Variants in OTULIN observed in about 807,000 individuals in gnomAD.
OTULIN encodes OTU deubiquitinase with linear linkage specificity, also known as ubiquitin thioesterase otulin.
A neutral mutation model predicts 39.6 loss-of-function variants in OTULIN; 15 were observed. The ratio of observed to expected loss-of-function variants is 0.38; its 90% CI spans 0.25 to 0.58. OTULIN has a LOEUF of 0.58. Ranked by LOEUF, OTULIN falls within the 20% of genes least tolerant of loss-of-function variation. The pLI is 0.66. For missense variants in OTULIN, 319 were observed against 445.9 expected (o/e 0.72, Z 2.56); for synonymous variants, 156 against 170.3 (o/e 0.92, Z 0.65).
chr5:14,681,396 GA>G, intron 3 of OTULIN, 67 bp from the exon 4 acceptor site: 1 of 1,523,048 alleles, frequency 6.6e-7, no homozygotes, highest in Non-Finnish European at 8.8e-7. Context: ...TTTTCCACAG[GA>G]ATGAAACTTT....
At chr5:14,666,603 C>G (rs1195866232) in intron 1 of OTULIN, among the ~76,000 whole-genome samples, 4 of 152,090 alleles carry the variant, frequency 2.6e-5, no homozygotes, top group Non-Finnish European at 4.4e-5. Flanking sequence ...GTTTGCTTCC[C>G]AAGTTTGCTT....
chr5:14,700,455 C>T (rs1736773339), downstream of OTULIN, among the ~76,000 whole-genome samples: 1 of 152,156 alleles, frequency 6.6e-6, no homozygotes, highest in Non-Finnish European at 1.5e-5. Context: ...CCAAAGAGTG[C>T]CAGCCCTGGG....
chr5:14,692,780 T>C, intron 6 of OTULIN, 74 bp from the exon 7 acceptor site: 1 of 1,342,358 alleles, frequency 7.4e-7, no homozygotes, highest in Non-Finnish European at 1.1e-6. Flanking sequence ...TGTGGGATAA[T>C]GGATGGAACA....
At chr5:14,674,489 A>T (rs536931818) in intron 2 of OTULIN, among the ~76,000 whole-genome samples, 1 of 152,326 alleles carries the variant, frequency 6.6e-6, no homozygotes, top group East Asian at 1.9e-4. Flanking sequence ...GGTGTGGTGG[A>T]TCATGCCCGT....
At chr5:14,713,739 G>A in the OTULIN span, 3 of 1,608,450 alleles carry the variant, frequency 1.9e-6, no homozygotes, top group Non-Finnish European at 2.5e-6. This position sits in a 1 kb window ranked among gnomAD's most constrained non-coding sequence, Gnocchi z 4.4. Context: ...TCTGGACCAG[G>A]GCAGCACATC....
At chr5:14,714,488 C>CG in the OTULIN span, among the ~76,000 whole-genome samples, 2 of 152,162 alleles carry the variant, frequency 1.3e-5, no homozygotes, top group Non-Finnish European at 2.9e-5. Context: ...CAGCACCAGG[C>CG]AAGGGCTCTT....
intron 2 of OTULIN, among the ~76,000 whole-genome samples, chr5:14,675,730 C>G (rs1736088364): frequency 6.6e-6 from 1 of 152,206 alleles, no homozygotes; most frequent in Non-Finnish European, 1.5e-5. Context: ...TCCCTTTACA[C>G]TTCTCACATC....
chr5:14,691,537 ATTAGAC>A (rs1338232368), intron 6 of OTULIN, among the ~76,000 whole-genome samples: 1 of 152,062 alleles, frequency 6.6e-6, no homozygotes, highest in Non-Finnish European at 1.5e-5. Context: ...TGGTTTGCAT[ATTAGAC>A]TAAAGTTAGT....
chr5:14,683,451 C>T (rs1179008679), intron 4 of OTULIN, among the ~76,000 whole-genome samples: 1 of 152,130 alleles, frequency 6.6e-6, no homozygotes, highest in African/African-American at 2.4e-5. Context: ...TGCCAGTTGG[C>T]GAAAGCATTC....
chr5:14,712,912 T>C, the OTULIN span: 1 of 1,613,324 alleles, frequency 6.2e-7, no homozygotes, highest in Non-Finnish European at 8.5e-7. Context: ...ATGGCGACCA[T>C]GGTGGATTCT....
At position 14,673,713 on chromosome 5, in the gene OTULIN, C is replaced by T; in HGVS notation, c.224C>T (p.Ala75Val). Reference sequence around the variant, plus strand: ...GAATTGCTTATACATGAAAGAGGGGCATCAGGTATGTTTGGAATTGTTTTA... The same window carrying T: ...GAATTGCTTATACATGAAAGAGGGGTATCAGGTATGTTTGGAATTGTTTTA... ...EKELLIHERG[A>V]SEPRLSVAPE... Residue 75 changes from alanine (A) to valine (V), a missense_variant, in exon 2 of 7, where the codon GCA becomes GTA. Transcript: ENST00000284274. 9.9e-6 allele frequency: 16 copies of T among 1,612,856 alleles called. No individual in the cohort carries two copies. The highest frequency in any genetic ancestry group is 1.3e-5 in the Non-Finnish European group (15 of 1,179,164).
At chr5:14,680,580 C>G (rs1736221593) in intron 3 of OTULIN, among the ~76,000 whole-genome samples, 1 of 152,186 alleles carries the variant, frequency 6.6e-6, no homozygotes, top group South Asian at 2.1e-4. Context: ...GTGCATGTGT[C>G]TAGCTGGAGA....
chr5:14,703,345 A>G (rs1374933400), downstream of OTULIN, among the ~76,000 whole-genome samples: 1,173 of 12,980 alleles, frequency 0.09, 10 homozygotes, highest in African/African-American at 0.15. Flanking sequence ...AAAAAAAAAA[A>G]AAAAAAAAAA....
intron 4 of OTULIN, among the ~76,000 whole-genome samples, chr5:14,683,389 G>A (rs911190717): frequency 6.6e-6 from 1 of 152,246 alleles, no homozygotes; most frequent in African/African-American, 2.4e-5. Flanking sequence ...GATATACTAA[G>A]CTGTTTTTTC....
At position 14,686,924 on chromosome 5, in the gene OTULIN, G is replaced by A. The variant is rs542871838; in HGVS notation, c.469-597G>A. Among the ~76,000 whole-genome samples the A allele has an allele frequency of 1.4e-4, 21 of 152,286 alleles. No homozygotes were observed. The South Asian group carries it at 1.5e-3, about 11-fold the overall frequency. On this transcript the variant is annotated intron_variant, in intron 4 of 6. Coordinates refer to ENST00000284274, the MANE Select transcript of OTULIN (RefSeq NM_138348.6). Reference sequence around the variant, plus strand: ...CCCTGCCTCTGATTTTCAATTGTATGTTTTATCTTAATAGATCGATTAGAT... The same window carrying A: ...CCCTGCCTCTGATTTTCAATTGTATATTTTATCTTAATAGATCGATTAGAT...
chr5:14,703,031 A>G (rs1213302514), downstream of OTULIN, among the ~76,000 whole-genome samples: 1 of 152,170 alleles, frequency 6.6e-6, no homozygotes, highest in Non-Finnish European at 1.5e-5. Flanking sequence ...CTGGTGGTGC[A>G]GTAGTTTAGA....
At chr5:14,666,069 A>ACGGC (rs960212979) in intron 1 of OTULIN, among the ~76,000 whole-genome samples, 1 of 152,174 alleles carries the variant, frequency 6.6e-6, no homozygotes, top group African/African-American at 2.4e-5. Flanking sequence ...GCCCTGCTCC[A>ACGGC]CGGCCCGTGC....
rs759489559 is a variant in OTULIN at position 14,681,453 on chromosome 5, C to A, written c.325-11C>A. 1.3e-6 allele frequency: 2 copies of A among 1,599,238 alleles called. No individual in the cohort carries two copies. Among genetic ancestry groups the A allele is most frequent in the Non-Finnish European group, 1.7e-6 (2 of 1,174,904 alleles). ...AACGACCATTTTGAATTCTTTCATA[C>A]CTTTTCCCAGGGCTATGAAGAGGTT... On this transcript the variant is annotated splice_polypyrimidine_tract_variant and intron_variant, in intron 3 of 6. Transcript: ENST00000284274.
chr5:14,713,247 T>C, the OTULIN span, among the ~76,000 whole-genome samples: 3 of 152,024 alleles, frequency 2.0e-5, no homozygotes, highest in South Asian at 2.1e-4. The surrounding 1 kb of genome is among the most constrained non-coding windows in gnomAD (Gnocchi z 4.4). Flanking sequence ...GCAGGGACCA[T>C]GTCCTTCTCT....
Sources: gnomAD v4.1 joint callset for allele counts (sites outside exome capture counted in the v4.1 genomes callset) on GRCh38, gnomAD v4.1.1 for gene constraint, Gnocchi (gnomAD v3.1) non-coding constraint, MANE v1.5 for transcripts, NCBI Gene and HGNC (gene_info 2026-07-23, HGNC 2026-07-21) for gene names.